Variants in FYB1 observed in about 807,000 individuals in gnomAD.
The protein encoded by FYB1 is FYN-binding protein 1.
Under a neutral mutation model 94.1 loss-of-function variants are expected in FYB1, and 41 were observed. The observed-to-expected ratio is 0.44, with a 90% CI of 0.34 to 0.57. FYB1 has a LOEUF of 0.57. FYB1 is among the 20% of genes least tolerant of loss of function. The pLI is 0.02. For synonymous variants in FYB1, 367 were observed against 353.2 expected (o/e 1.04, Z -0.44); for missense variants, 1,050 against 976.8 (o/e 1.07, Z -1.00).
In FYB1 at chr5:39,201,814, A is replaced by G; in HGVS notation, c.1135+12T>C. 1 of 1,602,780 alleles carries G rather than the reference A, an allele frequency of 6.2e-7. No individual in the cohort carries two copies. The highest frequency in any genetic ancestry group is 8.5e-7 in the Non-Finnish European group (1 of 1,173,062). On this transcript the variant is annotated intron_variant, in intron 2 of 18. Coordinates refer to ENST00000512982, the MANE Select transcript of FYB1 (RefSeq NM_001465.6). ...TAAACCATACTGAATAGCAAACGAGAAAAGAACTCACTGTTTCCAGAAGAG... is the reference window on the plus strand; with the variant it reads ...TAAACCATACTGAATAGCAAACGAGGAAAGAACTCACTGTTTCCAGAAGAG...
Position 39,271,786 on chromosome 5 carries a change from G to A in FYB1, c.-28+2617C>T, listed in dbSNP as rs189799373. Among the ~76,000 whole-genome samples, 1,116 of 152,286 alleles carry A rather than the reference G, an allele frequency of 7.3e-3. 10 individuals are homozygous for A. Among genetic ancestry groups the A allele is most frequent in the Non-Finnish European group, 0.012 (808 of 68,026 alleles). On this transcript the variant is annotated intron_variant, in intron 1 of 1. Transcript: ENST00000510188. ...TTACATATTATAAAGAGGGATGTGA[G>A]GCATGGTCAGAATCTGGTGGATGGT...
chr5:39,180,561 A>G (rs1354989255), intron 2 of FYB1, among the ~76,000 whole-genome samples: 5 of 152,154 alleles, frequency 3.3e-5, no homozygotes, highest in Admixed American at 6.5e-5. Flanking sequence ...TCTTACCCCT[A>G]CTTTTGTTCT....
chr5:39,196,554 T>A (rs1747858303), intron 2 of FYB1, among the ~76,000 whole-genome samples: 1 of 152,174 alleles, frequency 6.6e-6, no homozygotes, highest in African/African-American at 2.4e-5. Flanking sequence ...TTTATATTAC[T>A]TTTGTACTCC....
At chr5:39,220,781 T>G (rs556761821), upstream of FYB1, among the ~76,000 whole-genome samples, 1 of 152,240 alleles carries the variant, frequency 6.6e-6, no homozygotes, top group South Asian at 2.1e-4. Context: ...TCTTATAGAG[T>G]AGTAGGGTCA....
intron 5 of FYB1, 160 bp from the exon 6 acceptor site, chr5:39,138,851 C>G (rs566765025): frequency 1.5e-5 from 10 of 659,092 alleles, no homozygotes; most frequent in Non-Finnish European, 2.8e-5. Context: ...AGGAGCCATA[C>G]TGTGAATTAT....
chr5:39,139,376 CA>C, intron 4 of FYB1, 124 bp from the exon 5 acceptor site: 1 of 822,942 alleles, frequency 1.2e-6, no homozygotes. Flanking sequence ...TATGCTTTAT[CA>C]AAGATACAGA....
intron 1 of FYB1, among the ~76,000 whole-genome samples, chr5:39,232,558 A>T (rs568873893): frequency 8.4e-5 from 12 of 143,226 alleles, no homozygotes; most frequent in Admixed American, 2.0e-4. Flanking sequence ...TTTTTTATTT[A>T]TTTTTTTTGC....
At chr5:39,203,178 G>A (rs1410066499) in intron 1 of FYB1, among the ~76,000 whole-genome samples, 191 bp from the exon 2 acceptor site, 1 of 152,162 alleles carries the variant, frequency 6.6e-6, no homozygotes, top group Non-Finnish European at 1.5e-5. Context: ...GAAGGCTATG[G>A]TTGTGCATAT....
Position 39,202,802 on chromosome 5 carries a change from A to G in FYB1, c.159T>C (p.Asn53=), listed in dbSNP as rs948244346. 1 of 1,613,870 alleles carries G rather than the reference A, an allele frequency of 6.2e-7. No individual in the cohort carries two copies. The change falls in exon 2 of 19, where the codon AAT becomes AAC. Residue 53 remains asparagine, a synonymous_variant. Coordinates refer to ENST00000512982, the MANE Select transcript of FYB1 (RefSeq NM_001465.6). ...GNASPPAGPS[N]VPKFGSPKPP... ...GCTTTGGGGACCCAAACTTAGGTAC[A>G]TTGCTGGGTCCTGCAGGAGGGCTGG...
chr5:39,145,126 G>A (rs182999172), intron 3 of FYB1, among the ~76,000 whole-genome samples: 13 of 152,222 alleles, frequency 8.5e-5, no homozygotes, highest in East Asian at 1.9e-4. Flanking sequence ...GTGGAGGCTC[G>A]TTATACTATT....
At position 39,107,250 on chromosome 5, in the gene FYB1, G is replaced by C. The variant is rs1166014214; in HGVS notation, c.*193C>G. On this transcript the variant is annotated 3_prime_UTR_variant, in exon 19 of 19. Coordinates refer to ENST00000512982, the MANE Select transcript of FYB1 (RefSeq NM_001465.6). ...ACATCTCACTAATGTAGTCTTCTGA[G>C]TTAACAATTAAGCAGAGAGATTATT... 5.1e-6 allele frequency: 2 copies of C among 393,170 alleles called. No homozygotes were observed. Among genetic ancestry groups the C allele is most frequent in the Non-Finnish European group, 9.4e-6 (2 of 212,608 alleles). 24.4% of individuals were successfully genotyped at this position (393,170 alleles called of 1,614,324 possible).
At position 39,229,382 on chromosome 5, in the gene FYB1, G is replaced by A. The variant is rs185853819; in HGVS notation, c.-27-26395C>T. On this transcript the variant is annotated intron_variant, in intron 1 of 1. Transcript: ENST00000510188. ...AGAGTGACTATAAAAGAAGAAACCA[G>A]GGGAGAAATCAGCCATTGTCCAGAC... Among the ~76,000 whole-genome samples, 3 of 152,244 alleles carry A rather than the reference G, an allele frequency of 2.0e-5. No homozygotes were observed. The East Asian group carries it at 5.8e-4, about 29-fold the overall frequency.
chr5:39,273,287 G>A (rs991707588), intron 1 of FYB1, among the ~76,000 whole-genome samples: 1 of 152,076 alleles, frequency 6.6e-6, no homozygotes, highest in African/African-American at 2.4e-5. Flanking sequence ...TTTTCATTTT[G>A]TTCTGTACTA....
chr5:39,152,680 T>C (rs775141394), intron 3 of FYB1, among the ~76,000 whole-genome samples: 2 of 152,138 alleles, frequency 1.3e-5, no homozygotes, highest in Admixed American at 1.3e-4. Context: ...TTCTATTAAA[T>C]CCTGGATAAA....
At chr5:39,163,852 A>ATCTG (rs141139828) in intron 2 of FYB1, among the ~76,000 whole-genome samples, 122,823 of 151,880 alleles carry the variant, frequency 0.81, 52,100 homozygotes, top group Non-Finnish European at 0.94. Context: ...CAATAACTGA[A>ATCTG]TATTCTTCAA....
Position 39,165,397 on chromosome 5 carries a change from C to G in FYB1, c.1136-11793G>C, listed in dbSNP as rs1266063986. Among the ~76,000 whole-genome samples, 5 of 151,834 alleles carry G rather than the reference C, an allele frequency of 3.3e-5. No individual in the cohort carries two copies. In the East Asian group the frequency reaches 9.6e-4, roughly 29 times the overall value. On this transcript the variant is annotated intron_variant, in intron 2 of 18. Coordinates refer to ENST00000512982, the MANE Select transcript of FYB1 (RefSeq NM_001465.6). ...AAAAATGTACACTGGGGAAATGATA[C>G]TCTATTCAATAAATGGTGCTGGGAA...
intron 2 of FYB1, among the ~76,000 whole-genome samples, chr5:39,162,616 C>T (rs947463602): frequency 6.6e-6 from 1 of 151,552 alleles, no homozygotes; most frequent in South Asian, 2.1e-4. Context: ...ACCAGGGAGG[C>T]GGAGGTTGCA....
intron 1 of FYB1, among the ~76,000 whole-genome samples, chr5:39,252,001 C>G: frequency 6.6e-6 from 1 of 151,842 alleles, no homozygotes. Context: ...AAAATTTAGC[C>G]TGGAGTGGTG....
chr5:39,145,109 A>C (rs192196176), intron 3 of FYB1, among the ~76,000 whole-genome samples: 50 of 152,310 alleles, frequency 3.3e-4, no homozygotes, highest in Admixed American at 3.2e-3. Flanking sequence ...AAGTTGGTGA[A>C]AGGAACGTGG....
Sources: gnomAD v4.1 joint callset for allele counts (sites outside exome capture counted in the v4.1 genomes callset) on GRCh38, gnomAD v4.1.1 for gene constraint, MANE v1.5 for transcripts, NCBI Gene and HGNC (gene_info 2026-07-23, HGNC 2026-07-21) for gene names.